Variants in CYP2S1 observed in about 807,000 individuals in gnomAD.
The protein encoded by CYP2S1 is cytochrome P450 family 2 subfamily S member 1.
In CYP2S1, 32 loss-of-function variants were observed where a neutral mutation model predicts 43.5. That is an observed-to-expected ratio of 0.74 (90% CI 0.56 to 0.99). The LOEUF is 0.99. CYP2S1 is among the 50% of genes least tolerant of loss of function. The pLI is 0.00. For synonymous variants in CYP2S1, 283 were observed against 302.9 expected (o/e 0.93, Z 0.68); for missense variants, 575 against 673.9 (o/e 0.85, Z 1.62).
Position 41,198,668 on chromosome 19 carries a change from T to G in CYP2S1, c.655-41T>G. On this transcript the variant is annotated intron_variant, in intron 4 of 8. Coordinates refer to ENST00000310054, the MANE Select transcript of CYP2S1 (RefSeq NM_030622.8). This position sits in a 1 kb window ranked among gnomAD's most constrained non-coding sequence, Gnocchi z 4.9. ...TCCAACTACCTTCCCTGAAGGTTCC[T>G]GCCAAGGTCCCATGAGAACTAGCTG... The G allele has an allele frequency of 6.2e-7, 1 of 1,613,610 alleles. No homozygotes were observed. Among genetic ancestry groups the G allele is most frequent in the Non-Finnish European group, 8.5e-7 (1 of 1,179,742 alleles).
chr19:41,200,805 C>T (rs1349202430), intron 5 of CYP2S1, among the ~76,000 whole-genome samples: 1 of 152,118 alleles, frequency 6.6e-6, no homozygotes, highest in African/African-American at 2.4e-5. Flanking sequence ...CCCATGTATA[C>T]CATTGGTGGG....
intron 3 of CYP2S1, 64 bp downstream of exon 3, chr19:41,197,992 G>T (rs1027943900): frequency 5.2e-6 from 8 of 1,524,286 alleles, no homozygotes; most frequent in Admixed American, 2.2e-5. Flanking sequence ...TCCTACTGTG[G>T]CTGGGGGTGG....
Position 41,198,449 on chromosome 19 carries a change from C to A in CYP2S1, c.494-13C>A. ...TCCATCACAGCCTACCTCCCTGCCC[C>A]CATTCCCCCCAGGACGCCCATTCGA... On this transcript the variant is annotated splice_polypyrimidine_tract_variant and intron_variant, in intron 3 of 8. Transcript: ENST00000310054. This position sits in a 1 kb window ranked among gnomAD's most constrained non-coding sequence, Gnocchi z 4.9. The A allele has an allele frequency of 6.2e-7, 1 of 1,613,196 alleles. No homozygotes were observed. Among genetic ancestry groups the A allele is most frequent in the Non-Finnish European group, 8.5e-7 (1 of 1,179,564 alleles).
Position 41,206,317 on chromosome 19 carries a change from G to A in CYP2S1, c.1344G>A (p.Ala448=), listed in dbSNP as rs763569535. The part of the protein sequence containing the change: ...RVCLGEGLAK[A]ELFLFFTTIL... Reference sequence around the variant, plus strand: ...GCCTTGGAGAGGGCCTGGCAAAAGCGGAGCTCTTCCTCTTCTTCACCACCA... The same window carrying A: ...GCCTTGGAGAGGGCCTGGCAAAAGCAGAGCTCTTCCTCTTCTTCACCACCA... The change falls in exon 9 of 9, where the codon GCG becomes GCA. Residue 448 remains alanine, a synonymous_variant. Transcript: ENST00000310054. 17 of 1,613,864 alleles carry A rather than the reference G, an allele frequency of 1.1e-5. No homozygotes were observed. The highest frequency in any genetic ancestry group is 8.0e-5 in the African/African-American group (6 of 74,836).
Position 41,206,677 on chromosome 19 carries a change from C to T in CYP2S1, c.*189C>T, listed in dbSNP as rs1390349868. 1 of 801,122 alleles carries T rather than the reference C, an allele frequency of 1.2e-6. No individual in the cohort carries two copies. The highest frequency in any genetic ancestry group is 2.2e-6 in the Non-Finnish European group (1 of 451,516). The allele number at this position is 801,122 out of a possible 1,614,324, so 49.6% of individuals were successfully genotyped here. On this transcript the variant is annotated 3_prime_UTR_variant, in exon 9 of 9. Coordinates refer to ENST00000310054, the MANE Select transcript of CYP2S1 (RefSeq NM_030622.8). ...CTCATGCTGCTAAGATGCACAACCG[C>T]ACACCCATACACAACTACAAGGGCC...
Position 41,204,113 on chromosome 19 carries a change from G to A in CYP2S1, c.1164+476G>A, listed in dbSNP as rs539964969. On this transcript the variant is annotated intron_variant, in intron 7 of 8. Coordinates refer to ENST00000310054, the MANE Select transcript of CYP2S1 (RefSeq NM_030622.8). ...CCTGACCTCGTGATCTGCCCGCTTCGGCCTCCCAAAGTGCTGGGATTACAG... is the reference window on the plus strand; with the variant it reads ...CCTGACCTCGTGATCTGCCCGCTTCAGCCTCCCAAAGTGCTGGGATTACAG... 7.2e-5 allele frequency among the ~76,000 whole-genome samples: 11 copies of A among 152,114 alleles called. No individual in the cohort carries two copies. In the South Asian group the frequency reaches 8.3e-4, roughly 11 times the overall value.
chr19:41,197,714 A>T, intron 2 of CYP2S1, 65 bp from the exon 3 acceptor site: 1 of 1,576,926 alleles, frequency 6.3e-7, no homozygotes, highest in Non-Finnish European at 8.5e-7. Context: ...AAAAAAAGAA[A>T]GAAAGGAAGA....
chr19:41,193,632 G>A, intron 1 of CYP2S1, 191 bp downstream of exon 1: 1 of 1,163,504 alleles, frequency 8.6e-7, no homozygotes, highest in South Asian at 3.3e-5. Context: ...GGGGAGAGGT[G>A]CCCGGGAGAG....
At chr19:41,197,699 CAA>C (rs8192794) in intron 2 of CYP2S1, 78 bp from the exon 3 acceptor site, 29 of 1,332,596 alleles carry the variant, frequency 2.2e-5, no homozygotes, top group South Asian at 2.8e-5. Context: ...GATTCCGTCT[CAA>C]AAAAAAAAAG....
chr19:41,195,365 T>C (rs1044464146), intron 2 of CYP2S1, among the ~76,000 whole-genome samples: 3 of 152,176 alleles, frequency 2.0e-5, no homozygotes, highest in African/African-American at 2.4e-5. Flanking sequence ...AGGCCCATGC[T>C]GGGTGCTGCC....
chr19:41,194,911 T>G (rs2033392767), intron 2 of CYP2S1, among the ~76,000 whole-genome samples: 1 of 151,782 alleles, frequency 6.6e-6, no homozygotes, highest in Non-Finnish European at 1.5e-5. Context: ...AGGTCAGGAG[T>G]TCGAGACCAG....
In CYP2S1 at chr19:41,207,051, C is replaced by T. The variant is rs1568403303; in HGVS notation, c.*563C>T. On this transcript the variant is annotated 3_prime_UTR_variant, in exon 9 of 9. Transcript: ENST00000310054. Reference sequence around the variant, plus strand: ...CTGTGACCACCGATGTCCACACACCCCCAACCACTTGTCCACACAGCTACC... The same window carrying T: ...CTGTGACCACCGATGTCCACACACCTCCAACCACTTGTCCACACAGCTACC... The T allele has an allele frequency of 2.9e-6, 1 of 349,602 alleles. No individual in the cohort carries two copies. Among genetic ancestry groups the T allele is most frequent in the South Asian group, 2.2e-5 (1 of 46,134 alleles). 21.7% of individuals were successfully genotyped at this position (349,602 alleles called of 1,614,324 possible).
chr19:41,194,667 C>T lies in CYP2S1; in HGVS notation c.301C>T (p.Arg101Trp), dbSNP rs150250299. 3.1e-6 allele frequency: 5 copies of T among 1,611,982 alleles called. No individual in the cohort carries two copies. In the Admixed American group the frequency reaches 5.0e-5, roughly 16 times the overall value. ...LGGQAEEFSG[R>W]GTVAMLEGTF... ...AGGTCAGGCTGAGGAGTTCAGCGGC[C>T]GGGGAACCGTAGCGATGCTGGAAGG... Residue 101 changes from arginine to tryptophan, a missense_variant, in exon 2 of 9, where the codon CGG becomes TGG. By Grantham distance (101) the Arg-to-Trp change is moderately radical. Coordinates refer to ENST00000310054, the MANE Select transcript of CYP2S1 (RefSeq NM_030622.8).
At chr19:41,201,000 C>A (rs1175211858) in intron 5 of CYP2S1, among the ~76,000 whole-genome samples, 1 of 151,994 alleles carries the variant, frequency 6.6e-6, no homozygotes, top group Non-Finnish European at 1.5e-5. Context: ...ATTGCTTGAA[C>A]CCAGGAGGCG....
In CYP2S1 at chr19:41,206,495, G is replaced by A; in HGVS notation, c.*7G>A. 6.2e-7 allele frequency: 1 copy of A among 1,614,130 alleles called. No individual in the cohort carries two copies. Among genetic ancestry groups the A allele is most frequent in the Non-Finnish European group, 8.5e-7 (1 of 1,180,038 alleles). On this transcript the variant is annotated 3_prime_UTR_variant, in exon 9 of 9. Coordinates refer to ENST00000310054, the MANE Select transcript of CYP2S1 (RefSeq NM_030622.8). ...CACCACGCAGACCAGATGAAGGAAGGCAACTTGGAAGTGGTGGGTGCCCAG... is the reference window on the plus strand; with the variant it reads ...CACCACGCAGACCAGATGAAGGAAGACAACTTGGAAGTGGTGGGTGCCCAG...
chr19:41,199,239 C>T (rs896437717), intron 5 of CYP2S1, among the ~76,000 whole-genome samples: 3 of 152,130 alleles, frequency 2.0e-5, no homozygotes, highest in African/African-American at 7.2e-5. Flanking sequence ...CATCCCATCC[C>T]CTGCAGCCTC....
At chr19:41,201,136 C>T in intron 5 of CYP2S1, 95 bp from the exon 6 acceptor site, 2 of 1,488,614 alleles carry the variant, frequency 1.3e-6, no homozygotes, top group Non-Finnish European at 9.0e-7. Flanking sequence ...CGTGACAAAA[C>T]TTTAACTTGT....
chr19:41,198,495 A>G lies in CYP2S1; in HGVS notation c.527A>G (p.Gln176Arg). The change falls in exon 4 of 9, where the codon CAG (glutamine) becomes CGG (arginine). Residue 176 changes from glutamine to arginine, a missense_variant. This residue lies in a region of CYP2S1 where 353 missense variants were observed against 367.6 expected (regional missense o/e 0.96). Transcript: ENST00000310054. This position sits in a 1 kb window ranked among gnomAD's most constrained non-coding sequence, Gnocchi z 4.9. Reference protein sequence around the residue: ...RPFDPSLLLAQATSNVVCSLL... With the variant: ...RPFDPSLLLARATSNVVCSLL... ...TTCGATCCCTCCCTGCTGCTGGCCCAGGCCACCTCCAACGTAGTCTGCTCC... is the reference window on the plus strand; with the variant it reads ...TTCGATCCCTCCCTGCTGCTGGCCCGGGCCACCTCCAACGTAGTCTGCTCC... The G allele has an allele frequency of 6.2e-7, 1 of 1,613,798 alleles. No homozygotes were observed. Among genetic ancestry groups the G allele is most frequent in the African/African-American group, 1.3e-5 (1 of 74,902 alleles).
intron 2 of CYP2S1, among the ~76,000 whole-genome samples, chr19:41,196,266 A>C (rs1460671046): frequency 2.6e-5 from 4 of 152,126 alleles, no homozygotes; most frequent in Admixed American, 1.3e-4. Flanking sequence ...AGGAAGTGAG[A>C]GAAGACCAGC....
Sources: allele counts gnomAD v4.1 joint callset (sites outside exome capture counted in the v4.1 genomes callset), GRCh38; gene constraint gnomAD v4.1.1; regional missense constraint gnomAD v4.1.1; non-coding constraint Gnocchi (gnomAD v3.1); transcripts MANE v1.5; gene names NCBI Gene and HGNC (gene_info 2026-07-23, HGNC 2026-07-21).